COL13A1: variants seen among roughly 807,000 people sequenced by gnomAD.
COL13A1 encodes the protein collagen type XIII alpha 1 chain.
A neutral mutation model predicts 130.9 loss-of-function variants in COL13A1; 89 were observed. The observed-to-expected ratio is 0.68, with a 90% confidence interval of 0.57 to 0.81. The LOEUF (loss-of-function observed/expected upper bound fraction) is 0.81. Among genes scored for constraint, COL13A1 ranks in the 30% least tolerant of loss-of-function variants. The probability of loss-of-function intolerance (pLI) is 0.00; values close to 1 mark genes in which losing one functional copy is unlikely to be tolerated. For synonymous variants in COL13A1, 402 were observed against 341.6 expected, an observed-to-expected ratio of 1.18 and a Z score of -1.95; for missense variants, 879 against 934.6, an observed-to-expected ratio of 0.94 and a Z score of 0.78.
At chr10:69,804,961 G>C (rs1370458221) in intron 1 of COL13A1, among the ~76,000 whole-genome samples, 2 of 152,134 alleles carry the variant, frequency 1.3e-5, no homozygotes, top group African/African-American at 2.4e-5. Context: ...AAGAGCTGAA[G>C]GATGAATAGG....
intron 2 of COL13A1, among the ~76,000 whole-genome samples, chr10:69,844,748 C>G (rs1852543008): frequency 6.6e-6 from 1 of 152,218 alleles, no homozygotes; most frequent in South Asian, 2.1e-4. Context: ...CCCGTCATAC[C>G]TCACCTGCCT....
At chr10:69,905,085 CT>C in intron 16 of COL13A1, 126 bp downstream of exon 16, 1 of 1,089,032 alleles carries the variant, frequency 9.2e-7, no homozygotes, top group Non-Finnish European at 1.3e-6. Flanking sequence ...ACAGATCAAG[CT>C]TGACCCACTT....
Position 69,903,465 on chromosome 10 carries a change from G to A in COL13A1, c.858+610G>A, listed in dbSNP as rs571587289. ...ATTCAAGTGACAGGTCAAGCCCAGCGGCCGCCAAGTCACCCATGTTCAAGC... is the reference window on the plus strand; with the variant it reads ...ATTCAAGTGACAGGTCAAGCCCAGCAGCCGCCAAGTCACCCATGTTCAAGC... On this transcript the variant is annotated intron_variant, in intron 15 of 40. Transcript: ENST00000645393. Among the ~76,000 whole-genome samples the A allele has an allele frequency of 2.6e-5, 4 of 152,096 alleles. No individual in the cohort carries two copies. The South Asian group carries it at 6.2e-4, about 24-fold the overall frequency.
rs1246550999 is a variant in COL13A1 at position 69,910,106 on chromosome 10, T to C, written c.921+4284T>C. ...AACCTCCACCTACTAATGGTTTCTT[T>C]GGGATGTGGAGGGCTGTCCCCCTAC... On this transcript the variant is annotated intron_variant, in intron 17 of 40. Transcript: ENST00000645393. Among the ~76,000 whole-genome samples, 2 of 152,148 alleles carry C rather than the reference T, an allele frequency of 1.3e-5. 1 individual carries two copies. Among genetic ancestry groups the C allele is most frequent in the Admixed American group, 1.3e-4 (2 of 15,282 alleles).
At chr10:69,877,950 T>C (rs1203042719) in intron 5 of COL13A1, 89 bp from the exon 6 acceptor site, 3 of 687,394 alleles carry the variant, frequency 4.4e-6, no homozygotes, top group Non-Finnish European at 8.0e-6. Context: ...TGAACATGGA[T>C]TCTCGTGTGG....
rs1271876322 is a variant in COL13A1, at chr10:69,944,167, A to C, written c.1957A>C (p.Lys653Gln). The change falls in exon 36 of 41, where the codon AAG (lysine) becomes CAG (glutamine). Residue 653 changes from lysine to glutamine, a missense_variant. Lys to Gln is a moderately conservative substitution (Grantham distance 53). Coordinates refer to ENST00000645393, the MANE Select transcript of COL13A1 (RefSeq NM_001368882.1). ...PIGVPGPAGPKGERGSKGDPG... is the reference protein window; with the variant it reads ...PIGVPGPAGPQGERGSKGDPG... Reference sequence around the variant, plus strand: ...TGGAGTTCCAGGCCCAGCGGGACCAAAGGGCGAGAGGGTGAGTGTCACTGA... The same window carrying C: ...TGGAGTTCCAGGCCCAGCGGGACCACAGGGCGAGAGGGTGAGTGTCACTGA... 3 of 1,613,606 alleles carry C rather than the reference A, an allele frequency of 1.9e-6. No homozygotes were observed. The African/African-American group carries it at 4.0e-5, about 22-fold the overall frequency.
chr10:69,894,697 A>C lies in COL13A1; in HGVS notation c.653A>C (p.Glu218Ala). The change falls in exon 12 of 41, where the codon GAA becomes GCA. Residue 218 changes from glutamate (E) to alanine (A), a missense_variant. Physicochemically the swap from Glu to Ala is moderately radical, Grantham distance 107 (BLOSUM62 -1). This residue lies in a region of COL13A1 where 715 missense variants were observed against 721.0 expected (regional missense o/e 0.99). Coordinates refer to ENST00000645393, the MANE Select transcript of COL13A1 (RefSeq NM_001368882.1). ...TAGGGACCCCAGGGACAAAAAGGAG[A>C]AAAGGTAAGAGCAGTGGAGGTTTCC... is the stretch of plus-strand genomic sequence containing the variant. Reference protein sequence around the residue: ...GQPGPQGQKGEKGQCGEYPHR... With the variant: ...GQPGPQGQKGAKGQCGEYPHR... 1 of 1,613,962 alleles carries C rather than the reference A, an allele frequency of 6.2e-7. No individual in the cohort carries two copies. The highest frequency in any genetic ancestry group is 8.5e-7 in the Non-Finnish European group (1 of 1,179,884).
At chr10:69,828,254 G>A (rs1041884625) in intron 2 of COL13A1, among the ~76,000 whole-genome samples, 8 of 152,114 alleles carry the variant, frequency 5.3e-5, no homozygotes, top group South Asian at 4.2e-4. Flanking sequence ...TTTCCCCTGC[G>A]ATGTTAGCCT....
intron 37 of COL13A1, among the ~76,000 whole-genome samples, chr10:69,946,596 C>T (rs1297271692): frequency 6.6e-6 from 1 of 152,184 alleles, no homozygotes; most frequent in Non-Finnish European, 1.5e-5. Flanking sequence ...GAGCATTTTG[C>T]ACCTTGAAAA....
intron 9 of COL13A1, 137 bp from the exon 10 acceptor site, chr10:69,889,277 C>T (rs1262516297): frequency 1.8e-6 from 2 of 1,101,928 alleles, no homozygotes; most frequent in Non-Finnish European, 2.7e-6. Context: ...CCAGAAGGTG[C>T]AGATGGAGCA....
At chr10:69,886,778 A>G (rs1244693415) in intron 7 of COL13A1, among the ~76,000 whole-genome samples, 1 of 152,134 alleles carries the variant, frequency 6.6e-6, no homozygotes, top group African/African-American at 2.4e-5. Context: ...TTGATCATAA[A>G]CCACTGGATC....
At chr10:69,941,139 C>A in intron 35 of COL13A1, 116 bp downstream of exon 35, 1 of 1,534,716 alleles carries the variant, frequency 6.5e-7, no homozygotes, top group Non-Finnish European at 8.9e-7. Flanking sequence ...CTGGTCCCAC[C>A]TCCGACACCA....
intron 39 of COL13A1, among the ~76,000 whole-genome samples, chr10:69,953,724 G>A (rs537960345): frequency 5.9e-5 from 9 of 152,358 alleles, no homozygotes; most frequent in Middle Eastern, 3.4e-3. Flanking sequence ...GAGGATCAAC[G>A]GAGAGGGGGC....
chr10:69,827,153 G>A (rs938111598), intron 2 of COL13A1, among the ~76,000 whole-genome samples: 5 of 152,192 alleles, frequency 3.3e-5, no homozygotes, highest in African/African-American at 7.2e-5. Flanking sequence ...ACAAAAACTC[G>A]GAGGAGCAAG....
At chr10:69,862,654 G>T (rs537438761) in intron 2 of COL13A1, among the ~76,000 whole-genome samples, 1 of 152,208 alleles carries the variant, frequency 6.6e-6, no homozygotes, top group African/African-American at 2.4e-5. Flanking sequence ...GGCAGAGGCT[G>T]TTCCTTTTAT....
intron 18 of COL13A1, among the ~76,000 whole-genome samples, chr10:69,918,068 G>A (rs118183951): frequency 0.021 from 3,179 of 150,938 alleles, 49 homozygotes; most frequent in Non-Finnish European, 0.031. Flanking sequence ...AGGGAGCCCC[G>A]CAGACTGAGC....
intron 2 of COL13A1, among the ~76,000 whole-genome samples, chr10:69,837,041 G>A (rs1850275552): frequency 1.3e-5 from 1 of 75,588 alleles, no homozygotes; most frequent in Admixed American, 1.8e-4. Flanking sequence ...AGACCTGCCT[G>A]TTTGTGGTCA....
chr10:69,912,183 A>G (rs182933857), intron 17 of COL13A1, among the ~76,000 whole-genome samples: 23 of 152,328 alleles, frequency 1.5e-4, no homozygotes, highest in Non-Finnish European at 2.9e-4. Context: ...CCAAAGTCCA[A>G]GATTAATTAG....
chr10:69,911,756 C>T (rs955202455), intron 17 of COL13A1, among the ~76,000 whole-genome samples: 1 of 152,250 alleles, frequency 6.6e-6, no homozygotes, highest in African/African-American at 2.4e-5. Flanking sequence ...GTTGCTCTTG[C>T]CAAAGAATTA....
Sources: allele counts gnomAD v4.1 joint callset (sites outside exome capture counted in the v4.1 genomes callset), GRCh38; gene constraint gnomAD v4.1.1; regional missense constraint gnomAD v4.1.1; transcripts MANE v1.5; gene names NCBI Gene and HGNC (gene_info 2026-07-23, HGNC 2026-07-21).